The following RTF1 variants were observed in gnomAD, a reference collection of about 807,000 sequenced individuals.
The protein encoded by RTF1 is RTF1 homolog, Paf1/RNA polymerase II complex component, also known as RNA polymerase-associated protein RTF1 homolog.
RTF1 carries 10 observed loss-of-function variants against 95.7 expected under a neutral mutation model. That is an observed-to-expected ratio of 0.10 (90% CI 0.06 to 0.18). RTF1 has a LOEUF of 0.18. Among genes scored for constraint, RTF1 ranks in the 10% least tolerant of loss-of-function variants. The pLI is 1.00. For missense variants in RTF1, 458 were observed against 875.6 expected, an observed-to-expected ratio of 0.52 and a Z score of 6.02; for synonymous variants, 305 against 311.8, an observed-to-expected ratio of 0.98 and a Z score of 0.23.
At chr15:41,438,217 A>C in intron 1 of RTF1, 104 bp from the exon 2 acceptor site, 1 of 711,998 alleles carries the variant, frequency 1.4e-6, no homozygotes, top group Admixed American at 2.9e-5. Flanking sequence ...TTTAGTTGAA[A>C]ACACAAAAAT....
At chr15:41,471,484 A>G (rs536605986) in intron 8 of RTF1, 135 bp downstream of exon 8, 7 of 911,410 alleles carry the variant, frequency 7.7e-6, no homozygotes, top group South Asian at 7.5e-5. Flanking sequence ...TGGGATCCCC[A>G]TAGAGCAGTG....
At chr15:41,420,358 CAA>C (rs2050594406) in intron 1 of RTF1, among the ~76,000 whole-genome samples, 1 of 152,122 alleles carries the variant, frequency 6.6e-6, no homozygotes, top group Non-Finnish European at 1.5e-5. Context: ...TCAGAATAAT[CAA>C]AGAGGAAGAT....
intron 4 of RTF1, among the ~76,000 whole-genome samples, chr15:41,460,659 AT>A (rs1283520037): frequency 1.3e-5 from 2 of 152,052 alleles, no homozygotes; most frequent in Non-Finnish European, 2.9e-5. Context: ...CCTTACGTGA[AT>A]GAGACAGTTG....
chr15:41,468,091 G>A (rs773615578), intron 6 of RTF1, among the ~76,000 whole-genome samples: 3 of 152,110 alleles, frequency 2.0e-5, no homozygotes, highest in Non-Finnish European at 2.9e-5. Flanking sequence ...ACTTGAACCC[G>A]GGAGGTGGAG....
In RTF1 at chr15:41,477,186, G is replaced by A. The variant is rs760923547; in HGVS notation, c.1582G>A (p.Asp528Asn). 1.9e-6 allele frequency: 3 copies of A among 1,614,074 alleles called. No individual in the cohort carries two copies. In the African/African-American group the frequency reaches 4.0e-5, roughly 22 times the overall value. The change falls in exon 13 of 18, where the codon GAT (aspartate) becomes AAT (asparagine). Residue 528 changes from aspartate (D) to asparagine (N), a missense_variant. Around this residue, in one of 11 missense-constraint regions of RTF1, gnomAD observed 150 missense variants for 275.7 expected, o/e 0.54. Coordinates refer to ENST00000389629, the MANE Select transcript of RTF1 (RefSeq NM_015138.5). ...GTAGGCCATGGCTGAGGACCTGGGGGATCAGGACAAGGCCAAACAAATCCA... is the reference window on the plus strand; with the variant it reads ...GTAGGCCATGGCTGAGGACCTGGGGAATCAGGACAAGGCCAAACAAATCCA... ...KEKAMAEDLG[D>N]QDKAKQIQDQ...
chr15:41,438,751 C>G (rs1162790931), intron 2 of RTF1, among the ~76,000 whole-genome samples: 1 of 151,804 alleles, frequency 6.6e-6, no homozygotes, highest in African/African-American at 2.4e-5. Context: ...ATCCCAGCTA[C>G]TAAGGAGGCT....
chr15:41,458,901 T>C (rs983811915), intron 4 of RTF1, among the ~76,000 whole-genome samples: 2 of 150,884 alleles, frequency 1.3e-5, no homozygotes, highest in Admixed American at 1.3e-4. Flanking sequence ...GTGAAACCCA[T>C]CTCTACTAAA....
Position 41,480,761 on chromosome 15 carries a change from T to C in RTF1, c.*74T>C. 1 of 1,102,060 alleles carries C rather than the reference T, an allele frequency of 9.1e-7. No homozygotes were observed. The highest frequency in any genetic ancestry group is 1.4e-6 in the Non-Finnish European group (1 of 721,488). The allele number at this position is 1,102,060 out of a possible 1,614,324, so 68.3% of individuals were successfully genotyped here. A position where few individuals can be genotyped will look rare whatever the true frequency, so the allele number is the denominator to read the frequency against. ...CCACCTTTCCTCCTTTCCTTTGATT[T>C]AGCCTCTTTGGGCTGGAGCAGCTGT... On this transcript the variant is annotated 3_prime_UTR_variant, in exon 18 of 18. Coordinates refer to ENST00000389629, the MANE Select transcript of RTF1 (RefSeq NM_015138.5).
At chr15:41,428,256 C>CTTTTTTT (rs1566836262) in intron 1 of RTF1, among the ~76,000 whole-genome samples, 1 of 133,430 alleles carries the variant, frequency 7.5e-6, no homozygotes, top group African/African-American at 2.9e-5. Context: ...TACTGATATC[C>CTTTTTTT]CTTTTTTTTT....
intron 1 of RTF1, among the ~76,000 whole-genome samples, chr15:41,434,158 T>C (rs2140949607): frequency 6.6e-6 from 1 of 151,624 alleles, no homozygotes; most frequent in Admixed American, 6.6e-5. Context: ...TTTTTTTTTT[T>C]TTTTAAGTAA....
intron 14 of RTF1, among the ~76,000 whole-genome samples, chr15:41,477,734 A>G (rs1159682736): frequency 1.3e-5 from 2 of 151,754 alleles, no homozygotes; most frequent in Non-Finnish European, 2.9e-5. Context: ...CTTAGATTCT[A>G]CTCCACAGGT....
intron 4 of RTF1, among the ~76,000 whole-genome samples, chr15:41,462,479 C>G (rs1566845808): frequency 1.3e-5 from 2 of 152,130 alleles, no homozygotes; most frequent in Non-Finnish European, 2.9e-5. Context: ...CAGCTTCCTC[C>G]TGGGGGTTGT....
intron 2 of RTF1, among the ~76,000 whole-genome samples, chr15:41,450,828 G>A (rs2050786311): frequency 6.6e-6 from 1 of 151,914 alleles, no homozygotes; most frequent in African/African-American, 2.4e-5. Flanking sequence ...GTGCACACCT[G>A]TAGTCCCAGC....
intron 6 of RTF1, among the ~76,000 whole-genome samples, chr15:41,467,930 C>T (rs2050888675): frequency 6.6e-6 from 1 of 152,020 alleles, no homozygotes; most frequent in Non-Finnish European, 1.5e-5. Flanking sequence ...TTTGTGAGGT[C>T]AGAGCAGGCA....
intron 1 of RTF1, among the ~76,000 whole-genome samples, chr15:41,437,557 TA>T (rs1356592148): frequency 6.6e-6 from 1 of 151,970 alleles, no homozygotes; most frequent in African/African-American, 2.4e-5. Flanking sequence ...TGTGGACTGG[TA>T]TTGGTATTAG....
chr15:41,478,497 T>TGA, intron 14 of RTF1, 51 bp from the exon 15 acceptor site: 1 of 1,361,572 alleles, frequency 7.3e-7, no homozygotes, highest in Non-Finnish European at 1.1e-6. Context: ...TTATGGTGAA[T>TGA]GAGAGGAGGG....
At chr15:41,466,378 T>A (rs1595437702) in intron 6 of RTF1, 126 bp downstream of exon 6, 1 of 548,450 alleles carries the variant, frequency 1.8e-6, no homozygotes, top group African/African-American at 1.9e-5. Flanking sequence ...CAGAATAGTA[T>A]AAACATCCAC....
At chr15:41,439,352 G>A (rs11858812) in intron 2 of RTF1, among the ~76,000 whole-genome samples, 33,449 of 151,876 alleles carry the variant, frequency 0.22, 3,997 homozygotes, top group Non-Finnish European at 0.26. Flanking sequence ...TTCTTTTTGA[G>A]TCATCTTTTT....
chr15:41,477,708 C>T, intron 14 of RTF1, 193 bp downstream of exon 14: 1 of 597,108 alleles, frequency 1.7e-6, no homozygotes, highest in Non-Finnish European at 3.0e-6. Context: ...TCTGCCCTGT[C>T]CTACCTCTTC....
Sources: allele counts gnomAD v4.1 joint callset (sites outside exome capture counted in the v4.1 genomes callset), GRCh38; gene constraint gnomAD v4.1.1; regional missense constraint gnomAD v4.1.1; transcripts MANE v1.5; gene names NCBI Gene and HGNC (gene_info 2026-07-23, HGNC 2026-07-21).